CKAP2L: variants seen among roughly 807,000 people sequenced by gnomAD.
CKAP2L encodes the protein cytoskeleton associated protein 2L.
Under a neutral mutation model 65.7 loss-of-function variants are expected in CKAP2L, and 42 were observed. That is an observed-to-expected ratio of 0.64 (90% CI 0.50 to 0.83). The LOEUF (loss-of-function observed/expected upper bound fraction) is 0.83, where lower values mean the gene tolerates loss of function less well. Among genes scored for constraint, CKAP2L ranks in the 40% least tolerant of loss-of-function variants. The pLI, the probability that CKAP2L is intolerant of heterozygous loss-of-function variation, is 0.00. For missense variants in CKAP2L, 908 were observed against 871.0 expected, an observed-to-expected ratio of 1.04 and a Z score of -0.53; for synonymous variants, 325 against 313.5, an observed-to-expected ratio of 1.04 and a Z score of -0.39.
chr2:112,758,538 C>T lies in CKAP2L; in HGVS notation c.157-1324G>A, dbSNP rs140623094. 7.2e-5 allele frequency among the ~76,000 whole-genome samples: 11 copies of T among 152,208 alleles called. No individual in the cohort carries two copies. The East Asian group carries it at 1.7e-3, about 24-fold the overall frequency. On this transcript the variant is annotated intron_variant, in intron 3 of 8. Coordinates refer to ENST00000302450, the MANE Select transcript of CKAP2L (RefSeq NM_152515.5). The stretch of plus-strand genomic sequence containing the variant: ...GTGTGTGGTGTTACTAGGAGTGAAA[C>T]AGCGGAGTTGGGAGTGGGAGGCAGA...
chr2:112,759,967 T>G (rs556699120), intron 3 of CKAP2L, among the ~76,000 whole-genome samples: 1 of 152,240 alleles, frequency 6.6e-6, no homozygotes, highest in East Asian at 1.9e-4. Flanking sequence ...GGTGAATCAT[T>G]AAAACTTATT....
At chr2:112,746,930 G>C (rs1680219663) in intron 5 of CKAP2L, among the ~76,000 whole-genome samples, 1 of 151,936 alleles carries the variant, frequency 6.6e-6, no homozygotes, top group Non-Finnish European at 1.5e-5. Flanking sequence ...TGGGACTACA[G>C]GCACATGCCA....
Position 112,741,010 on chromosome 2 carries a change from G to A in CKAP2L, c.1823-3C>T. 6.3e-7 allele frequency: 1 copy of A among 1,588,820 alleles called. No homozygotes were observed. ...AACTAAAGAGTCAGAAGTAATCCCT[G>A]TGTATGTAAGATCATGAAGGAAAGT... On this transcript the variant is annotated splice_polypyrimidine_tract_variant and splice_region_variant and intron_variant, in intron 7 of 8. Transcript: ENST00000302450.
At chr2:112,760,842 T>C (rs1390850936) in intron 2 of CKAP2L, 78 bp from the exon 3 acceptor site, 1 of 738,542 alleles carries the variant, frequency 1.4e-6, no homozygotes, top group Non-Finnish European at 2.3e-6. Flanking sequence ...TGATTAAAAA[T>C]TATGAATAGA....
In CKAP2L at chr2:112,737,026, A is replaced by T. The variant is rs1679297808; in HGVS notation, c.*1797T>A. On this transcript the variant is annotated 3_prime_UTR_variant, in exon 9 of 9. Coordinates refer to ENST00000302450, the MANE Select transcript of CKAP2L (RefSeq NM_152515.5). ...ACTGCAACCTCCACCTCCCGAGTTC[A>T]AGTGATTCTTCTGCCTCAGCCTCCC... 6.6e-6 allele frequency: 1 copy of T among 152,020 alleles called. No individual in the cohort carries two copies. Among genetic ancestry groups the T allele is most frequent in the African/African-American group, 2.4e-5 (1 of 41,368 alleles). The allele number at this position is 152,020 out of a possible 1,614,324, so 9.4% of individuals were successfully genotyped here.
chr2:112,752,058 G>A (rs1437979495), intron 5 of CKAP2L, among the ~76,000 whole-genome samples: 1 of 152,188 alleles, frequency 6.6e-6, no homozygotes, highest in Non-Finnish European at 1.5e-5. Flanking sequence ...ATAATTATGT[G>A]AGATAATCTT....
At chr2:112,762,969 A>G (rs1680773889) in intron 1 of CKAP2L, among the ~76,000 whole-genome samples, 1 of 152,090 alleles carries the variant, frequency 6.6e-6, no homozygotes, top group Non-Finnish European at 1.5e-5. Context: ...AATTTTTTGT[A>G]GAGACAGGAT....
At chr2:112,742,640 T>C (rs1680049903) in intron 7 of CKAP2L, 66 bp downstream of exon 7, 4 of 1,067,596 alleles carry the variant, frequency 3.7e-6, no homozygotes, top group Non-Finnish European at 5.7e-6. Flanking sequence ...CTTTTTCCTA[T>C]ATGTCCTGGA....
At chr2:112,762,045 C>T (rs184725959) in intron 2 of CKAP2L, among the ~76,000 whole-genome samples, 169 of 152,318 alleles carry the variant, frequency 1.1e-3, no homozygotes, top group African/African-American at 3.8e-3. Context: ...CATGTTCTGT[C>T]TACCTTAACA....
At chr2:112,739,208 C>G (rs1243985609) in intron 8 of CKAP2L, among the ~76,000 whole-genome samples, 160 bp from the exon 9 acceptor site, 1 of 152,074 alleles carries the variant, frequency 6.6e-6, no homozygotes, top group Non-Finnish European at 1.5e-5. Context: ...ATGGCTTTTT[C>G]TAGGAGTTCG....
At chr2:112,757,512 C>T (rs1680583199) in intron 3 of CKAP2L, among the ~76,000 whole-genome samples, 1 of 151,482 alleles carries the variant, frequency 6.6e-6, no homozygotes, top group South Asian at 2.1e-4. Flanking sequence ...ACCCCAACCT[C>T]GCAAGTGGCT....
chr2:112,764,010 G>A (rs937093114), intron 1 of CKAP2L: 3 of 154,848 alleles, frequency 1.9e-5, no homozygotes, highest in African/African-American at 7.2e-5. Flanking sequence ...TATTTTGAAA[G>A]GTAGGAAAGG....
At chr2:112,761,980 G>A (rs1680735989) in intron 2 of CKAP2L, among the ~76,000 whole-genome samples, 1 of 152,122 alleles carries the variant, frequency 6.6e-6, no homozygotes, top group African/African-American at 2.4e-5. Context: ...GCTAAGAAAG[G>A]ACAAATAACA....
chr2:112,748,590 G>A (rs939731855), intron 5 of CKAP2L, among the ~76,000 whole-genome samples: 2 of 152,152 alleles, frequency 1.3e-5, no homozygotes, highest in Non-Finnish European at 2.9e-5. Context: ...AGGTGCAGTG[G>A]GTGGTTCACA....
At chr2:112,744,631 A>G (rs758364346) in intron 6 of CKAP2L, among the ~76,000 whole-genome samples, 1 of 152,216 alleles carries the variant, frequency 6.6e-6, no homozygotes, top group Non-Finnish European at 1.5e-5. Flanking sequence ...TTGAGGGTTG[A>G]GACTCCCTGC....
At chr2:112,760,983 T>G (rs1009128244) in intron 2 of CKAP2L, among the ~76,000 whole-genome samples, 4 of 152,172 alleles carry the variant, frequency 2.6e-5, no homozygotes, top group African/African-American at 7.2e-5. Flanking sequence ...ACTCTTTTTT[T>G]TTTTGCCTTG....
rs564719973 is a variant in CKAP2L, at chr2:112,742,849, C to A, written c.1759-80G>T. 359 of 886,056 alleles carry A rather than the reference C, an allele frequency of 4.1e-4. 1 individual carries two copies. The African/African-American group carries it at 5.1e-3, about 13-fold the overall frequency. 54.9% of individuals were successfully genotyped at this position (886,056 alleles called of 1,614,324 possible). The stretch of plus-strand genomic sequence containing the variant: ...TGCTAAGGAACTTTAACTTCAAATA[C>A]ATGTTTTATAATAAAAGTTTCCTTT... On this transcript the variant is annotated intron_variant, in intron 6 of 8. Transcript: ENST00000302450.
intron 1 of CKAP2L, chr2:112,763,978 G>A (rs1425354564): frequency 1.3e-5 from 2 of 153,274 alleles, no homozygotes; most frequent in African/African-American, 4.8e-5. Flanking sequence ...GTATCTTGGA[G>A]AAAGTGGCAT....
intron 8 of CKAP2L, among the ~76,000 whole-genome samples, chr2:112,739,283 T>C (rs1164020963): frequency 1.3e-5 from 2 of 152,088 alleles, no homozygotes; most frequent in African/African-American, 4.8e-5. Context: ...TAGCTGGGCA[T>C]GGTGGCACAC....
Sources: allele counts gnomAD v4.1 joint callset (sites outside exome capture counted in the v4.1 genomes callset), GRCh38; gene constraint gnomAD v4.1.1; transcripts MANE v1.5; gene names NCBI Gene and HGNC (gene_info 2026-07-23, HGNC 2026-07-21).